RANBP2: variants seen among roughly 807,000 people sequenced by gnomAD.
The protein encoded by RANBP2 is E3 SUMO-protein ligase RanBP2.
Under a neutral mutation model 303.6 loss-of-function variants are expected in RANBP2, and 57 were observed. The observed-to-expected ratio is 0.19, with a 90% CI of 0.15 to 0.23. The LOEUF is 0.23. Ranked by LOEUF, RANBP2 falls within the 10% of genes least tolerant of loss-of-function variation. RANBP2 has a pLI of 1.00. For missense variants in RANBP2, 3,138 were observed against 3,780.8 expected (o/e 0.83, Z 4.46); for synonymous variants, 1,167 against 1,301.5 (o/e 0.90, Z 2.23).
chr2:108,976,541 G>A, the RANBP2 span, among the ~76,000 whole-genome samples: 6 of 152,278 alleles, frequency 3.9e-5, no homozygotes, highest in East Asian at 7.7e-4. Context: ...GGAGTTATCC[G>A]TTTAACCTCC....
chr2:109,198,439 C>G, the RANBP2 span, among the ~76,000 whole-genome samples: 1 of 152,168 alleles, frequency 6.6e-6, no homozygotes, highest in Non-Finnish European at 1.5e-5. Context: ...TCTTGGGTAC[C>G]CTGCCCAGCA....
At chr2:108,993,737 C>T in the RANBP2 span, among the ~76,000 whole-genome samples, 1 of 152,172 alleles carries the variant, frequency 6.6e-6, no homozygotes, top group Non-Finnish European at 1.5e-5. Context: ...TTTAACTAAA[C>T]TTTGAACACT....
At chr2:108,996,076 G>T in the RANBP2 span, among the ~76,000 whole-genome samples, 3 of 152,218 alleles carry the variant, frequency 2.0e-5, no homozygotes, top group African/African-American at 7.2e-5. Flanking sequence ...TATCAGTTCT[G>T]CTGGGGTATC....
chr2:108,958,573 G>A, the RANBP2 span, among the ~76,000 whole-genome samples: 39,409 of 152,030 alleles, frequency 0.26, 9,498 homozygotes, highest in East Asian at 0.94. Flanking sequence ...GCAGAAGGAC[G>A]GTGGGAGGGC....
At chr2:109,705,566 G>C in the RANBP2 span, among the ~76,000 whole-genome samples, 1 of 152,210 alleles carries the variant, frequency 6.6e-6, no homozygotes, top group Non-Finnish European at 1.5e-5. Flanking sequence ...CTCAGTCCCT[G>C]TGTGCATCCA....
the RANBP2 span, chr2:109,130,068 C>T: frequency 7.3e-7 from 1 of 1,368,672 alleles, no homozygotes. Flanking sequence ...GCACCGCCGG[C>T]AGTCTGCGGG....
chr2:109,033,680 C>T, the RANBP2 span, among the ~76,000 whole-genome samples: 3 of 151,724 alleles, frequency 2.0e-5, no homozygotes, highest in East Asian at 1.9e-4. Context: ...TTTTGAGAGG[C>T]GGTGGCTCAT....
At chr2:108,885,700 T>A in the RANBP2 span, among the ~76,000 whole-genome samples, 1 of 152,146 alleles carries the variant, frequency 6.6e-6, no homozygotes, top group Admixed American at 6.5e-5. Context: ...AACATTGAAT[T>A]TTTTCCTTCT....
the RANBP2 span, among the ~76,000 whole-genome samples, chr2:109,234,979 A>G: frequency 1.3e-5 from 2 of 152,190 alleles, no homozygotes; most frequent in Non-Finnish European, 2.9e-5. Flanking sequence ...CCAGATCCCA[A>G]CGTTTGACTA....
chr2:109,245,054 G>A, the RANBP2 span, among the ~76,000 whole-genome samples: 1 of 152,250 alleles, frequency 6.6e-6, no homozygotes, highest in African/African-American at 2.4e-5. Flanking sequence ...TGTTGTCTGG[G>A]CAGCCTTGTG....
the RANBP2 span, among the ~76,000 whole-genome samples, chr2:109,429,225 G>A: frequency 2.6e-5 from 4 of 152,198 alleles, no homozygotes; most frequent in African/African-American, 4.8e-5. Flanking sequence ...ACCCCCACCC[G>A]GGCCAAGGCC....
At chr2:109,613,777 C>T in the RANBP2 span, 1 of 1,221,920 alleles carries the variant, frequency 8.2e-7, no homozygotes, top group Non-Finnish European at 1.0e-6. Flanking sequence ...GGGCTGGGGC[C>T]CCGGCGTCGG....
At chr2:109,117,356 G>T in the RANBP2 span, among the ~76,000 whole-genome samples, 2 of 152,218 alleles carry the variant, frequency 1.3e-5, no homozygotes, top group Admixed American at 6.5e-5. Flanking sequence ...CCCTCCCGCA[G>T]CCTCACTGCC....
chr2:109,200,255 T>C, the RANBP2 span, among the ~76,000 whole-genome samples: 1 of 152,116 alleles, frequency 6.6e-6, no homozygotes, highest in Admixed American at 6.5e-5. Context: ...CACCTGTAGT[T>C]GGGGCTTTCA....
intron 28 of RANBP2, 129 bp from the exon 29 acceptor site, chr2:108,783,467 T>C (rs562981522): frequency 3.1e-6 from 2 of 643,518 alleles, no homozygotes; most frequent in East Asian, 2.9e-5. Flanking sequence ...TTTCAAACTA[T>C]ACTCAGGAAA....
chr2:109,544,397 T>TA, the RANBP2 span: 1 of 1,522,936 alleles, frequency 6.6e-7, no homozygotes, highest in Non-Finnish European at 8.7e-7. Flanking sequence ...AACATGCATC[T>TA]AGTATATTAT....
At chr2:109,635,334 C>T in the RANBP2 span, among the ~76,000 whole-genome samples, 1 of 152,126 alleles carries the variant, frequency 6.6e-6, no homozygotes, top group East Asian at 1.9e-4. Context: ...AGGTGCATGC[C>T]ACAATGCCCG....
At chr2:109,141,281 C>T in the RANBP2 span, among the ~76,000 whole-genome samples, 1 of 152,216 alleles carries the variant, frequency 6.6e-6, no homozygotes, top group Admixed American at 6.5e-5. Flanking sequence ...TTCCTGGCAA[C>T]CAGTGCTCTG....
At chr2:109,458,623 ATGTGACTGTGGAGGCTGGCAAGCC>A in the RANBP2 span, among the ~76,000 whole-genome samples, 1 of 147,866 alleles carries the variant, frequency 6.8e-6, no homozygotes, top group Non-Finnish European at 1.5e-5. Context: ...TTAAGGAATT[ATGTGACTGTGGAGGCTGGCAAGCC>A]TGAATTCTGT....
Sources: allele counts gnomAD v4.1 joint callset (sites outside exome capture counted in the v4.1 genomes callset), GRCh38; gene constraint gnomAD v4.1.1; transcripts MANE v1.5; gene names NCBI Gene and HGNC (gene_info 2026-07-23, HGNC 2026-07-21).